The following MARCHF5 variants were observed in gnomAD, a reference collection of about 807,000 sequenced individuals.
MARCHF5 encodes the protein E3 ubiquitin-protein ligase MARCHF5.
In MARCHF5, 5 loss-of-function variants were observed where a neutral mutation model predicts 36.5. That is an observed-to-expected ratio of 0.14 (90% CI 0.07 to 0.29). The LOEUF (loss-of-function observed/expected upper bound fraction) is 0.29, where lower values mean the gene tolerates loss of function less well. Among genes scored for constraint, MARCHF5 ranks in the 10% least tolerant of loss-of-function variants. The pLI is 1.00. For missense variants in MARCHF5, 179 were observed against 336.3 expected (o/e 0.53, Z 3.66); for synonymous variants, 103 against 109.9 (o/e 0.94, Z 0.39).
chr10:92,340,666 G>A lies in MARCHF5; in HGVS notation c.239-7G>A, dbSNP rs1239180365. The A allele has an allele frequency of 1.9e-6, 3 of 1,599,446 alleles. No homozygotes were observed. Among genetic ancestry groups the A allele is most frequent in the Middle Eastern group, 1.7e-4 (1 of 5,998 alleles). On this transcript the variant is annotated splice_region_variant and splice_polypyrimidine_tract_variant and intron_variant, in intron 2 of 5. Coordinates refer to ENST00000358935, the MANE Select transcript of MARCHF5 (RefSeq NM_017824.5). Reference sequence around the variant, plus strand: ...TTGAACCTTTACTTCTTTTCTGTGTGTTATAGGTCCAGTGGTTTACGTCTT... The same window carrying A: ...TTGAACCTTTACTTCTTTTCTGTGTATTATAGGTCCAGTGGTTTACGTCTT...
chr10:92,318,767 C>T (rs751263339), intron 2 of MARCHF5, among the ~76,000 whole-genome samples: 2 of 151,952 alleles, frequency 1.3e-5, no homozygotes, highest in Admixed American at 1.3e-4. Flanking sequence ...GGCACAATCT[C>T]GGCTCACTGC....
At chr10:92,312,951 C>T (rs1272730533) in intron 2 of MARCHF5, among the ~76,000 whole-genome samples, 1 of 152,186 alleles carries the variant, frequency 6.6e-6, no homozygotes, top group Non-Finnish European at 1.5e-5. Flanking sequence ...AAGAGTAAAT[C>T]TTGGCTGGGC....
intron 3 of MARCHF5, 99 bp downstream of exon 3, chr10:92,340,902 T>C (rs150541951): frequency 2.8e-6 from 3 of 1,074,286 alleles, no homozygotes; most frequent in South Asian, 2.1e-5. Context: ...GAATAAGAAA[T>C]AACATTCTCA....
At chr10:92,325,346 A>G (rs1316438871) in intron 2 of MARCHF5, among the ~76,000 whole-genome samples, 1 of 152,144 alleles carries the variant, frequency 6.6e-6, no homozygotes, top group Non-Finnish European at 1.5e-5. Context: ...TTATGTCTTA[A>G]ATAAAAAGAG....
intron 2 of MARCHF5, among the ~76,000 whole-genome samples, chr10:92,321,231 A>T (rs535172045): frequency 6.6e-6 from 1 of 152,152 alleles, no homozygotes; most frequent in South Asian, 2.1e-4. Context: ...GTAACACGTG[A>T]GTGTATGTTA....
chr10:92,299,422 C>A (rs953661779), intron 1 of MARCHF5, among the ~76,000 whole-genome samples: 2 of 152,110 alleles, frequency 1.3e-5, no homozygotes, highest in Admixed American at 6.6e-5. Flanking sequence ...TTCATTGACC[C>A]CTGAACATAT....
rs1177353600 is a variant in MARCHF5 at position 92,351,357 on chromosome 10, A to G, written c.*150A>G. ...ATAATAAAGCACTTAGGGCAGGGGA[A>G]ATCATCTCGGTAATCATGGAACCTA... On this transcript the variant is annotated 3_prime_UTR_variant, in exon 6 of 6. Coordinates refer to ENST00000358935, the MANE Select transcript of MARCHF5 (RefSeq NM_017824.5). 7.9e-6 allele frequency: 4 copies of G among 509,166 alleles called. No individual in the cohort carries two copies. The highest frequency in any genetic ancestry group is 3.3e-5 in the East Asian group (1 of 30,526). The allele number at this position is 509,166 out of a possible 1,614,324, so 31.5% of individuals were successfully genotyped here.
At chr10:92,310,740 G>C (rs900342990) in intron 1 of MARCHF5, among the ~76,000 whole-genome samples, 1 of 152,116 alleles carries the variant, frequency 6.6e-6, no homozygotes, top group Non-Finnish European at 1.5e-5. Context: ...GGGATTGGTG[G>C]TGGTGAACTG....
intron 2 of MARCHF5, among the ~76,000 whole-genome samples, chr10:92,336,372 T>G (rs1461672842): frequency 6.6e-6 from 1 of 152,162 alleles, no homozygotes; most frequent in Non-Finnish European, 1.5e-5. Context: ...TCAGCAAACC[T>G]TTCTGTAAAG....
At chr10:92,330,888 T>A (rs1843428088) in intron 2 of MARCHF5, among the ~76,000 whole-genome samples, 1 of 152,166 alleles carries the variant, frequency 6.6e-6, no homozygotes, top group South Asian at 2.1e-4. Context: ...ACCTAATCCT[T>A]ACCCACCTTG....
chr10:92,316,781 T>C (rs574472425), intron 2 of MARCHF5, among the ~76,000 whole-genome samples: 4 of 152,006 alleles, frequency 2.6e-5, no homozygotes, highest in African/African-American at 9.6e-5. Flanking sequence ...AGTCTCAAAC[T>C]TCCTGGCCTC....
intron 1 of MARCHF5, among the ~76,000 whole-genome samples, chr10:92,306,889 C>A (rs1034598917): frequency 6.6e-6 from 1 of 152,142 alleles, no homozygotes; most frequent in Admixed American, 6.6e-5. Flanking sequence ...TGGTGGATGC[C>A]TGTAGTCCCA....
chr10:92,292,326 C>T (rs1470935361), intron 1 of MARCHF5, among the ~76,000 whole-genome samples: 1 of 152,150 alleles, frequency 6.6e-6, no homozygotes, highest in African/African-American at 2.4e-5. Flanking sequence ...TCTAGATCCA[C>T]ATTTCCCCCG....
In MARCHF5 at chr10:92,294,881, G is replaced by A. The variant is rs72807293; in HGVS notation, c.35+3352G>A. On this transcript the variant is annotated intron_variant, in intron 1 of 5. Transcript: ENST00000358935. ...GGCAAGACTCAGTCTTTACAAAAAT[G>A]TTAAAAATTAGGCCAGGCCTGGTGG... is the stretch of plus-strand genomic sequence containing the variant. Among the ~76,000 whole-genome samples the A allele has an allele frequency of 2.3e-3, 350 of 152,162 alleles. 1 individual carries two copies. Among genetic ancestry groups the A allele is most frequent in the Middle Eastern group, 6.8e-3 (2 of 294 alleles).
chr10:92,343,281 G>GCTA (rs886676752), intron 3 of MARCHF5, among the ~76,000 whole-genome samples: 6 of 152,114 alleles, frequency 3.9e-5, no homozygotes, highest in Non-Finnish European at 7.3e-5. Flanking sequence ...TCCAGGCTTA[G>GCTA]CTAGCTTTCC....
At chr10:92,308,797 C>T (rs1323722012) in intron 1 of MARCHF5, among the ~76,000 whole-genome samples, 2 of 151,720 alleles carry the variant, frequency 1.3e-5, no homozygotes, top group Non-Finnish European at 2.9e-5. Flanking sequence ...CTCCGCCTCC[C>T]GGGTTCACGC....
At chr10:92,298,161 G>A (rs956485317) in intron 1 of MARCHF5, among the ~76,000 whole-genome samples, 2 of 139,542 alleles carry the variant, frequency 1.4e-5, no homozygotes, top group African/African-American at 2.4e-5. Flanking sequence ...TCGTGCCACT[G>A]CACGATCTCT....
intron 2 of MARCHF5, among the ~76,000 whole-genome samples, chr10:92,339,136 G>A (rs867502038): frequency 6.6e-6 from 1 of 151,266 alleles, no homozygotes; most frequent in South Asian, 2.1e-4. Context: ...TTTGGAGGCC[G>A]AGGTGGGTGG....
At chr10:92,299,201 TC>T (rs1842983418) in intron 1 of MARCHF5, among the ~76,000 whole-genome samples, 1 of 152,170 alleles carries the variant, frequency 6.6e-6, no homozygotes, top group Admixed American at 6.6e-5. Context: ...TTTTCTAGCT[TC>T]AATTTTTCAC....
Sources: allele counts gnomAD v4.1 joint callset (sites outside exome capture counted in the v4.1 genomes callset), GRCh38; gene constraint gnomAD v4.1.1; transcripts MANE v1.5; gene names NCBI Gene and HGNC (gene_info 2026-07-23, HGNC 2026-07-21).